TNIP3: variants seen among roughly 807,000 people sequenced by gnomAD.
The protein encoded by TNIP3 is TNFAIP3 interacting protein 3.
In TNIP3, 34 loss-of-function variants were observed where a neutral mutation model predicts 54.1. The observed-to-expected ratio is 0.63, with a 90% CI of 0.48 to 0.84. The LOEUF is 0.84. Among genes scored for constraint, TNIP3 ranks in the 40% least tolerant of loss-of-function variants. TNIP3 has a pLI of 0.00. For missense variants in TNIP3, 366 were observed against 387.6 expected (o/e 0.94, Z 0.47); for synonymous variants, 134 against 136.8 (o/e 0.98, Z 0.14).
chr4:121,176,169 T>C (rs1309780114), intron 3 of TNIP3, among the ~76,000 whole-genome samples: 1 of 152,226 alleles, frequency 6.6e-6, no homozygotes, highest in African/African-American at 2.4e-5. Flanking sequence ...AGCCAAGCTT[T>C]ACAGATAAAA....
intron 2 of TNIP3, among the ~76,000 whole-genome samples, chr4:121,190,104 T>A (rs1270283487): frequency 6.6e-6 from 1 of 152,198 alleles, no homozygotes; most frequent in Non-Finnish European, 1.5e-5. Context: ...TTGGCCTTCT[T>A]CTTGGGACTG....
upstream of TNIP3, chr4:121,164,417 C>A: frequency 9.5e-7 from 1 of 1,049,412 alleles, no homozygotes; most frequent in Non-Finnish European, 1.2e-6. Context: ...TGACTAAGAC[C>A]TGGGGCAGAT....
At chr4:121,137,941 A>G in intron 10 of TNIP3, 1 of 456,214 alleles carries the variant, frequency 2.2e-6, no homozygotes, top group South Asian at 1.5e-5. Flanking sequence ...TTTTGATTAT[A>G]GCTCAGTTTA....
At chr4:121,188,226 A>C (rs1725122290) in intron 2 of TNIP3, among the ~76,000 whole-genome samples, 1 of 152,134 alleles carries the variant, frequency 6.6e-6, no homozygotes, top group South Asian at 2.1e-4. Flanking sequence ...ATAAATCAAC[A>C]TAGAAATTAA....
At chr4:121,215,232 A>G (rs1432063929) in intron 2 of TNIP3, among the ~76,000 whole-genome samples, 1 of 152,210 alleles carries the variant, frequency 6.6e-6, no homozygotes, top group Non-Finnish European at 1.5e-5. Flanking sequence ...GGCCTCTTTT[A>G]ATGAAAACGT....
intron 3 of TNIP3, among the ~76,000 whole-genome samples, chr4:121,178,652 A>G (rs946636144): frequency 6.6e-6 from 1 of 152,312 alleles, no homozygotes; most frequent in African/African-American, 2.4e-5. Context: ...TAGCTTCCAT[A>G]CAAGAACTGA....
intron 1 of TNIP3, chr4:121,227,377 T>C (rs1184444899): frequency 6.5e-7 from 1 of 1,535,374 alleles, no homozygotes; most frequent in South Asian, 1.2e-5. Flanking sequence ...AGACATTATG[T>C]TACTCACCAT....
intron 2 of TNIP3, among the ~76,000 whole-genome samples, chr4:121,205,668 A>T (rs189748997): frequency 6.6e-6 from 1 of 152,150 alleles, no homozygotes; most frequent in East Asian, 1.9e-4. Context: ...AAAAGGTGGG[A>T]TTCTGGGCAT....
At chr4:121,197,361 C>T (rs558209026) in intron 2 of TNIP3, among the ~76,000 whole-genome samples, 36 of 151,976 alleles carry the variant, frequency 2.4e-4, no homozygotes, top group Admixed American at 5.2e-4. Context: ...AACACCTTCT[C>T]TGCTAAAAAT....
chr4:121,137,657 A>T (rs1035445900), intron 10 of TNIP3: 5 of 257,306 alleles, frequency 1.9e-5, no homozygotes, highest in Admixed American at 9.8e-5. Context: ...GCAAAACTAC[A>T]TGTGGTGTCC....
chr4:121,206,546 G>A (rs1726202426), intron 2 of TNIP3, among the ~76,000 whole-genome samples: 1 of 151,884 alleles, frequency 6.6e-6, no homozygotes, highest in African/African-American at 2.4e-5. Context: ...TATTGTGTGT[G>A]TGTTTTATCT....
chr4:121,150,147 A>G lies in TNIP3; in HGVS notation c.565T>C (p.Cys189Arg). 1 of 1,613,928 alleles carries G rather than the reference A, an allele frequency of 6.2e-7. No individual in the cohort carries two copies. The stretch of plus-strand genomic sequence containing the variant: ...ATTTCTGTTCTCATCTCCTCATGGC[A>G]GAATTCCACTCGAGACTTCCTCAAA... ...DCLRKSRVEFCHEEMRTEMEV... is the reference protein window; with the variant it reads ...DCLRKSRVEFRHEEMRTEMEV... Residue 189 changes from cysteine to arginine, a missense_variant, in exon 6 of 11, where the codon TGC (cysteine) becomes CGC (arginine). Transcript: ENST00000057513.
At chr4:121,189,584 T>C (rs2148831607) in intron 2 of TNIP3, among the ~76,000 whole-genome samples, 1 of 152,350 alleles carries the variant, frequency 6.6e-6, no homozygotes, top group East Asian at 1.9e-4. Flanking sequence ...AGTTCAGGTG[T>C]CTTAATTACT....
At chr4:121,159,822 C>T (rs1730338990) in intron 2 of TNIP3, among the ~76,000 whole-genome samples, 1 of 152,168 alleles carries the variant, frequency 6.6e-6, no homozygotes, top group South Asian at 2.1e-4. Context: ...TAGTTTTCTG[C>T]ATTAAGAGAA....
intron 1 of TNIP3, among the ~76,000 whole-genome samples, chr4:121,226,921 C>A (rs1228967851): frequency 7.7e-6 from 1 of 130,472 alleles, no homozygotes; most frequent in Non-Finnish European, 1.7e-5. Context: ...GAGGAACACA[C>A]TAAATGGATG....
upstream of TNIP3, among the ~76,000 whole-genome samples, chr4:121,218,248 G>A (rs1046769305): frequency 2.6e-5 from 4 of 152,030 alleles, no homozygotes; most frequent in Non-Finnish European, 5.9e-5. Flanking sequence ...CCCAAAAATG[G>A]CATGTGCAAA....
intron 2 of TNIP3, among the ~76,000 whole-genome samples, chr4:121,214,518 A>T (rs1726674701): frequency 6.6e-6 from 1 of 152,178 alleles, no homozygotes; most frequent in Non-Finnish European, 1.5e-5. Context: ...GTAGAAGGAA[A>T]TGGCTTGTGA....
rs1728508546 is a variant in TNIP3, at chr4:121,132,193, C to T, written c.*438G>A. On this transcript the variant is annotated 3_prime_UTR_variant, in exon 11 of 11. Coordinates refer to ENST00000057513, the MANE Select transcript of TNIP3 (RefSeq NM_024873.6). ...GAGCAATGTTAAACGTTTACAACTG[C>T]AGAAATTTTTACCCCAGGAAACACA... 6.4e-6 allele frequency: 1 copy of T among 156,702 alleles called. No individual in the cohort carries two copies. The highest frequency in any genetic ancestry group is 2.5e-5 in the African/African-American group (1 of 40,412). The allele number at this position is 156,702 out of a possible 1,614,324, so 9.7% of individuals were successfully genotyped here.
At chr4:121,174,912 T>G (rs2148823500) in intron 3 of TNIP3, among the ~76,000 whole-genome samples, 1 of 152,312 alleles carries the variant, frequency 6.6e-6, no homozygotes, top group African/African-American at 2.4e-5. Flanking sequence ...TCAAAAATAT[T>G]TTCAATCAAA....
Sources: allele counts gnomAD v4.1 joint callset (sites outside exome capture counted in the v4.1 genomes callset), GRCh38; gene constraint gnomAD v4.1.1; transcripts MANE v1.5; gene names NCBI Gene and HGNC (gene_info 2026-07-23, HGNC 2026-07-21).